ZNF426: variants seen among roughly 807,000 people sequenced by gnomAD.
The protein encoded by ZNF426 is zinc finger protein 426, also known as CTC-543D15.7.
Under a neutral mutation model 24.0 loss-of-function variants are expected in ZNF426, and 23 were observed. That is an observed-to-expected ratio of 0.96 (90% CI 0.69 to 1.36). The LOEUF (loss-of-function observed/expected upper bound fraction) is 1.36, where lower values mean the gene tolerates loss of function less well. ZNF426 is among the 40% of genes most tolerant of loss of function. The pLI is 0.00. For missense variants in ZNF426, 646 were observed against 658.4 expected (o/e 0.98, Z 0.21); for synonymous variants, 272 against 224.6 (o/e 1.21, Z -1.89).
chr19:9,535,102 C>A (rs2144777364), intron 4 of ZNF426, 86 bp downstream of exon 4: 91 of 734,110 alleles, frequency 1.2e-4, no homozygotes, highest in Non-Finnish European at 1.7e-4. Flanking sequence ...AAAAAGAAGT[C>A]TGGAGACAAC....
intron 7 of ZNF426, 40 bp downstream of exon 7, chr19:9,530,945 C>G: frequency 6.6e-7 from 1 of 1,515,654 alleles, no homozygotes; most frequent in Non-Finnish European, 9.2e-7. Context: ...CTGATTTTCT[C>G]TGAGGGTGGA....
In ZNF426 at chr19:9,535,309, G is replaced by A. The variant is rs150825421; in HGVS notation, c.26-30C>T. On this transcript the variant is annotated intron_variant, in intron 3 of 7. Transcript: ENST00000253115. ...AAGAAAATGAAGGCAAGAGAACCCC[G>A]AGCTGACCATAATCCCCACATCCAC... 904 of 1,556,610 alleles carry A rather than the reference G, an allele frequency of 5.8e-4. 2 individuals carry two copies. The highest frequency in any genetic ancestry group is 3.0e-3 in the African/African-American group (224 of 73,588).
At chr19:9,535,524 C>G (rs1036296118) in intron 3 of ZNF426, among the ~76,000 whole-genome samples, 3 of 151,882 alleles carry the variant, frequency 2.0e-5, no homozygotes, top group Non-Finnish European at 2.9e-5. Flanking sequence ...CCCGTCTCTA[C>G]AAAAAAATTT....
At chr19:9,529,721 G>A in intron 7 of ZNF426, 85 bp from the exon 8 acceptor site, 3 of 1,311,194 alleles carry the variant, frequency 2.3e-6, no homozygotes, top group East Asian at 2.3e-5. Flanking sequence ...ACATTATAAT[G>A]GTGATTATAA....
chr19:9,530,949 G>C (rs1278440951), intron 7 of ZNF426, 36 bp downstream of exon 7: 1 of 1,519,242 alleles, frequency 6.6e-7, no homozygotes, highest in Non-Finnish European at 9.1e-7. Flanking sequence ...TTTTCTCTGA[G>C]GGTGGAAAAT....
At chr19:9,535,838 A>C (rs1316444363) in intron 3 of ZNF426, among the ~76,000 whole-genome samples, 1 of 151,642 alleles carries the variant, frequency 6.6e-6, no homozygotes, top group African/African-American at 2.4e-5. Flanking sequence ...TGTATAAGAA[A>C]AAAAAAAAAA....
At position 9,532,906 on chromosome 19, in the gene ZNF426, G is replaced by A. The variant is rs772890170; in HGVS notation, c.264C>T (p.Pro88=). Residue 88 remains proline, a synonymous_variant, in exon 6 of 8, where the codon CCC becomes CCT. Coordinates refer to ENST00000253115, the MANE Select transcript of ZNF426 (RefSeq NM_024106.3). ...CTTGTTCCAACCAAGAGATTAGACTGGGTTTGATGATCTGACCTCCTGAGC... is the reference window on the plus strand; with the variant it reads ...CTTGTTCCAACCAAGAGATTAGACTAGGTTTGATGATCTGACCTCCTGAGC... ...LATVGGQIIK[P]SLISWLEQEE... 6.2e-7 allele frequency: 1 copy of A among 1,613,822 alleles called. No homozygotes were observed. The highest frequency in any genetic ancestry group is 8.5e-7 in the Non-Finnish European group (1 of 1,179,880).
In ZNF426 at chr19:9,526,222, T is replaced by C. The variant is rs2073790691; in HGVS notation, c.*2158A>G. 6.6e-6 allele frequency: 1 copy of C among 150,870 alleles called. No individual in the cohort carries two copies. Among genetic ancestry groups the C allele is most frequent in the Admixed American group, 6.7e-5 (1 of 14,928 alleles). The allele number at this position is 150,870 out of a possible 1,614,324, so 9.3% of individuals were successfully genotyped here. ...GCATTTCCTCTTATCCAGTATGCCA[T>C]GTCCAGCTAAGGAAAAATTACAAGC... On this transcript the variant is annotated 3_prime_UTR_variant, in exon 8 of 8. Transcript: ENST00000253115.
At position 9,524,781 on chromosome 19, in the gene ZNF426, C is replaced by CAAAAAAAAAAAAAAAAAA. The variant is rs71185607; in HGVS notation, c.*3581_*3598dup. 1.3e-5 allele frequency: 1 copy of CAAAAAAAAAAAAAAAAAA among 75,558 alleles called. No homozygotes were observed. The highest frequency in any genetic ancestry group is 3.0e-5 in the Non-Finnish European group (1 of 33,830). 4.7% of individuals were successfully genotyped at this position (75,558 alleles called of 1,614,324 possible). ...GGGCAACAAGAGCAAAACTCTGCCTCAAAAAAAAAAAAAAAAAAAAAAAAA... is the reference window on the plus strand; with the variant it reads ...GGGCAACAAGAGCAAAACTCTGCCTCAAAAAAAAAAAAAAAAAAAAAAAAAAAAAAAAAAAAAAAAAAA... On this transcript the variant is annotated 3_prime_UTR_variant, in exon 8 of 8. Coordinates refer to ENST00000253115, the MANE Select transcript of ZNF426 (RefSeq NM_024106.3).
intron 7 of ZNF426, among the ~76,000 whole-genome samples, 199 bp downstream of exon 7, chr19:9,530,786 A>C (rs1453694129): frequency 6.6e-6 from 1 of 152,110 alleles, no homozygotes; most frequent in Non-Finnish European, 1.5e-5. Context: ...AACAAAACTC[A>C]ACGTCTAGTT....
chr19:9,526,839 G>A lies in ZNF426; in HGVS notation c.*1541C>T, dbSNP rs2073797462. ...AAAAATTTTCATAGAAGCCAGAGGG[G>A]GGGAAATGCTTTAAGTATTGAGGAT... On this transcript the variant is annotated 3_prime_UTR_variant, in exon 8 of 8. Coordinates refer to ENST00000253115, the MANE Select transcript of ZNF426 (RefSeq NM_024106.3). The A allele has an allele frequency of 6.6e-6, 1 of 151,952 alleles. No individual in the cohort carries two copies. Among genetic ancestry groups the A allele is most frequent in the Admixed American group, 6.6e-5 (1 of 15,240 alleles). 9.4% of individuals were successfully genotyped at this position (151,952 alleles called of 1,614,324 possible).
chr19:9,534,784 G>A (rs8113342), intron 4 of ZNF426, among the ~76,000 whole-genome samples: 6,349 of 151,686 alleles, frequency 0.042, 473 homozygotes, highest in African/African-American at 0.15. Context: ...TTGTAGAGAC[G>A]GGGTCTCACT....
At chr19:9,530,071 A>C (rs1359584614) in intron 7 of ZNF426, among the ~76,000 whole-genome samples, 1 of 152,168 alleles carries the variant, frequency 6.6e-6, no homozygotes, top group African/African-American at 2.4e-5. Context: ...CAGTGACCCA[A>C]GATCACACCA....
rs542359959 is a variant in ZNF426, at chr19:9,523,922, G to C, written c.*4458C>G. ...AGGGGTTTGGGGATCCCTGACCTAG[G>C]CCATTCCACTTATTATAGTCATCAA... On this transcript the variant is annotated 3_prime_UTR_variant, in exon 8 of 8. Transcript: ENST00000253115. 2.8e-4 allele frequency: 43 copies of C among 152,312 alleles called. No individual in the cohort carries two copies. The highest frequency in any genetic ancestry group is 9.6e-4 in the African/African-American group (40 of 41,554). 9.4% of individuals were successfully genotyped at this position (152,312 alleles called of 1,614,324 possible). A position where few individuals can be genotyped will look rare whatever the true frequency, so the allele number is the denominator to read the frequency against.
rs2073799822 is a variant in ZNF426 at position 9,526,981 on chromosome 19, G to T, written c.*1399C>A. On this transcript the variant is annotated 3_prime_UTR_variant, in exon 8 of 8. Transcript: ENST00000253115. ...ATAACTTCTGAAAAATAGCTACAAT[G>T]TATTAGATTACATATGCTAATTTGT... 6.6e-6 allele frequency: 1 copy of T among 152,098 alleles called. No homozygotes were observed. Among genetic ancestry groups the T allele is most frequent in the Non-Finnish European group, 1.5e-5 (1 of 68,008 alleles). 9.4% of individuals were successfully genotyped at this position (152,098 alleles called of 1,614,324 possible).
At chr19:9,536,066 G>A in intron 3 of ZNF426, 142 bp downstream of exon 3, 1 of 979,002 alleles carries the variant, frequency 1.0e-6, no homozygotes, top group Non-Finnish European at 1.5e-6. Context: ...GGCAGAGCCT[G>A]ACTCACAAGA....
intron 5 of ZNF426, 21 bp from the exon 6 acceptor site, chr19:9,532,946 T>C (rs771729448): frequency 2.5e-6 from 4 of 1,575,710 alleles, no homozygotes; most frequent in Non-Finnish European, 3.5e-6. Context: ...AGAAATACAT[T>C]AATGGAAGAG....
chr19:9,529,681 T>C, intron 7 of ZNF426, 45 bp from the exon 8 acceptor site: 1 of 1,528,636 alleles, frequency 6.5e-7, no homozygotes, highest in East Asian at 2.2e-5. Context: ...CTCAAACATA[T>C]TAACAGAACA....
At chr19:9,535,163 G>A in intron 4 of ZNF426, 25 bp downstream of exon 4, 1 of 1,570,714 alleles carries the variant, frequency 6.4e-7, no homozygotes. Context: ...ATGTCACTAT[G>A]TATAAGAATA....
Sources: gnomAD v4.1 joint callset for allele counts (sites outside exome capture counted in the v4.1 genomes callset) on GRCh38, gnomAD v4.1.1 for gene constraint, MANE v1.5 for transcripts, NCBI Gene and HGNC (gene_info 2026-07-23, HGNC 2026-07-21) for gene names.